Variants in ALK observed in about 807,000 individuals in gnomAD.
ALK encodes ALK tyrosine kinase receptor.
ALK carries 74 observed loss-of-function variants against 163.1 expected under a neutral mutation model. That is an observed-to-expected ratio of 0.45 (90% confidence interval 0.38 to 0.55). ALK has a LOEUF of 0.55. Among genes scored for constraint, ALK ranks in the 20% least tolerant of loss-of-function variants. The pLI, the probability that ALK is intolerant of heterozygous loss-of-function variation, is 0.00. For synonymous variants in ALK, 960 were observed against 843.2 expected (o/e 1.14, Z -2.40); for missense variants, 2,063 against 2,105.3 (o/e 0.98, Z 0.39).
At position 29,894,876 on chromosome 2, in the gene ALK, A is replaced by C. The variant is rs570593799; in HGVS notation, c.667+25117T>G. ...CAAACACACACACACACACACACAC[A>C]CCCCGACATACTCCTCTTAAATGCA... On this transcript the variant is annotated intron_variant, in intron 1 of 28. Coordinates refer to ENST00000389048, the MANE Select transcript of ALK (RefSeq NM_004304.5). Among the ~76,000 whole-genome samples the C allele has an allele frequency of 2.7e-3, 400 of 148,398 alleles. 2 individuals are homozygous for C. Among genetic ancestry groups the C allele is most frequent in the East Asian group, 8.0e-3 (40 of 4,980 alleles).
chr2:29,803,881 T>C (rs1000822097), intron 1 of ALK, among the ~76,000 whole-genome samples: 1 of 152,078 alleles, frequency 6.6e-6, no homozygotes, highest in Non-Finnish European at 1.5e-5. Context: ...TGCCTCAATG[T>C]CCCTTACAGG....
At chr2:29,298,154 G>T (rs770534721) in intron 8 of ALK, among the ~76,000 whole-genome samples, 72 of 152,242 alleles carry the variant, frequency 4.7e-4, no homozygotes, top group Non-Finnish European at 1.3e-4. Flanking sequence ...CACTAATAAG[G>T]TCACACCAGG....
At chr2:29,580,204 C>T (rs2148197429) in intron 3 of ALK, among the ~76,000 whole-genome samples, 1 of 152,288 alleles carries the variant, frequency 6.6e-6, no homozygotes, top group Middle Eastern at 3.4e-3. Context: ...CCAACCGCTG[C>T]CCTGCCAGTC....
chr2:29,431,445 T>TA (rs746298656), intron 4 of ALK, among the ~76,000 whole-genome samples: 55 of 152,268 alleles, frequency 3.6e-4, no homozygotes, highest in Admixed American at 2.0e-3. Flanking sequence ...AAGTCCCAAA[T>TA]AAAAATCCCT....
At chr2:29,471,109 A>G (rs1324442954) in intron 4 of ALK, among the ~76,000 whole-genome samples, 1 of 152,176 alleles carries the variant, frequency 6.6e-6, no homozygotes, top group African/African-American at 2.4e-5. Flanking sequence ...ACAGGATGCA[A>G]AATTAAATAC....
chr2:29,393,305 C>G (rs886305542), intron 4 of ALK, among the ~76,000 whole-genome samples: 3 of 152,216 alleles, frequency 2.0e-5, no homozygotes, highest in Non-Finnish European at 4.4e-5. Flanking sequence ...CCCTCTTTCT[C>G]CCTTGAAGTG....
chr2:29,317,605 T>A (rs1348628466), intron 8 of ALK, among the ~76,000 whole-genome samples: 4 of 152,314 alleles, frequency 2.6e-5, no homozygotes, highest in Middle Eastern at 6.8e-3. Context: ...ATAAATGTGT[T>A]CACTTTCCCA....
chr2:29,661,397 A>G (rs10177946), intron 3 of ALK, among the ~76,000 whole-genome samples: 29,593 of 152,164 alleles, frequency 0.19, 6,797 homozygotes, highest in African/African-American at 0.56. Flanking sequence ...TGTCAACTCC[A>G]GGACTCACCA....
At chr2:29,453,580 G>C (rs1430527279) in intron 4 of ALK, among the ~76,000 whole-genome samples, 2 of 152,066 alleles carry the variant, frequency 1.3e-5, no homozygotes, top group Non-Finnish European at 2.9e-5. Flanking sequence ...CAAGTTTCTT[G>C]AGGGCAAGGG....
At chr2:29,332,739 C>T (rs1466782300) in intron 5 of ALK, among the ~76,000 whole-genome samples, 1 of 152,154 alleles carries the variant, frequency 6.6e-6, no homozygotes, top group Non-Finnish European at 1.5e-5. Context: ...CAATATTGTG[C>T]AATATGTCCC....
At chr2:29,426,030 C>G (rs866182745) in intron 4 of ALK, among the ~76,000 whole-genome samples, 3 of 152,246 alleles carry the variant, frequency 2.0e-5, no homozygotes, top group Admixed American at 2.0e-4. Context: ...CAGACTGTGG[C>G]GCAACATTTA....
intron 4 of ALK, among the ~76,000 whole-genome samples, chr2:29,508,916 G>T (rs1212680020): frequency 1.3e-5 from 2 of 151,888 alleles, no homozygotes; most frequent in Non-Finnish European, 2.9e-5. Context: ...AGATCATCAA[G>T]GTGTGCATTA....
intron 5 of ALK, among the ~76,000 whole-genome samples, chr2:29,368,896 G>A (rs990241253): frequency 6.6e-6 from 1 of 152,146 alleles, no homozygotes; most frequent in African/African-American, 2.4e-5. Flanking sequence ...ACCAAGATAA[G>A]CTGGAACGTT....
chr2:29,899,051 T>A (rs1667343431), intron 1 of ALK, among the ~76,000 whole-genome samples: 1 of 152,124 alleles, frequency 6.6e-6, no homozygotes, highest in African/African-American at 2.4e-5. Context: ...ATCAATGCAT[T>A]TCAATGTGTG....
intron 1 of ALK, among the ~76,000 whole-genome samples, chr2:29,870,863 AG>A (rs1475185591): frequency 6.6e-6 from 1 of 152,218 alleles, no homozygotes; most frequent in Non-Finnish European, 1.5e-5. Context: ...ATGAAGATTT[AG>A]ATCTCAGTTT....
chr2:29,797,197 C>T (rs1052445079), intron 1 of ALK, among the ~76,000 whole-genome samples: 11 of 152,296 alleles, frequency 7.2e-5, no homozygotes, highest in African/African-American at 2.6e-4. Flanking sequence ...CAGCTCTCTG[C>T]TCATAACTTC....
intron 4 of ALK, among the ~76,000 whole-genome samples, chr2:29,430,154 A>G (rs1238447166): frequency 1.3e-5 from 2 of 152,144 alleles, no homozygotes; most frequent in Non-Finnish European, 2.9e-5. Flanking sequence ...GGATTCTTAG[A>G]TATAACACAA....
intron 5 of ALK, among the ~76,000 whole-genome samples, chr2:29,333,170 C>T (rs1427574399): frequency 1.3e-5 from 2 of 151,976 alleles, no homozygotes; most frequent in Non-Finnish European, 2.9e-5. Flanking sequence ...GGCTGGAGTG[C>T]CGTGGTGCAA....
intron 1 of ALK, among the ~76,000 whole-genome samples, chr2:29,865,680 G>A (rs1191873561): frequency 1.3e-5 from 2 of 152,148 alleles, no homozygotes; most frequent in Non-Finnish European, 2.9e-5. Flanking sequence ...GGATTGTGTT[G>A]GAGGAAGAGC....
Sources: allele counts gnomAD v4.1 joint callset (sites outside exome capture counted in the v4.1 genomes callset), GRCh38; gene constraint gnomAD v4.1.1; transcripts MANE v1.5; gene names NCBI Gene and HGNC (gene_info 2026-07-23, HGNC 2026-07-21).